VCL: variants seen among roughly 807,000 people sequenced by gnomAD.
The protein encoded by VCL is vinculin.
A neutral mutation model predicts 125.7 loss-of-function variants in VCL; 47 were observed. The ratio of observed to expected loss-of-function variants is 0.37; its 90% CI spans 0.30 to 0.48. The LOEUF (loss-of-function observed/expected upper bound fraction) is 0.48, where lower values mean the gene tolerates loss of function less well. VCL is among the 20% of genes least tolerant of loss of function. The pLI is 0.99. For missense variants in VCL, 1,069 were observed against 1,455.5 expected (o/e 0.73, Z 4.32); for synonymous variants, 458 against 514.6 (o/e 0.89, Z 1.49).
intron 2 of VCL, among the ~76,000 whole-genome samples, chr10:74,068,011 G>T (rs1841600684): frequency 6.6e-6 from 1 of 152,234 alleles, no homozygotes; most frequent in Non-Finnish European, 1.5e-5. Context: ...CAATTGAAAA[G>T]AAACTATGTT....
Position 74,070,855 on chromosome 10 carries a change from G to A in VCL, c.390+35G>A, listed in dbSNP as rs1470529119. ...CTGAGACAAAAAGCCTACTCTTGAA[G>A]ATAATAATGGAAGATTGATGATTGT... On this transcript the variant is annotated intron_variant, in intron 3 of 21. Coordinates refer to ENST00000211998, the MANE Select transcript of VCL (RefSeq NM_014000.3). The A allele has an allele frequency of 2.5e-6, 4 of 1,613,344 alleles. No homozygotes were observed. In the South Asian group the frequency reaches 4.4e-5, roughly 18 times the overall value.
chr10:74,112,280 T>C (rs905705832), intron 19 of VCL, among the ~76,000 whole-genome samples, 168 bp downstream of exon 19: 3 of 152,088 alleles, frequency 2.0e-5, no homozygotes, highest in Admixed American at 6.5e-5. Context: ...GTTTGATAGG[T>C]CTGCTAACGC....
chr10:74,068,276 A>G (rs1217355266), intron 2 of VCL, among the ~76,000 whole-genome samples: 1 of 152,214 alleles, frequency 6.6e-6, no homozygotes, highest in Non-Finnish European at 1.5e-5. Context: ...GTAGCTTTAT[A>G]AAAGTAGGAG....
intron 2 of VCL, among the ~76,000 whole-genome samples, chr10:74,060,409 T>C (rs928706678): frequency 3.3e-5 from 5 of 151,966 alleles, no homozygotes; most frequent in Admixed American, 1.3e-4. Context: ...TCCCAGCATT[T>C]TGGAAGACCG....
intron 1 of VCL, among the ~76,000 whole-genome samples, chr10:73,999,309 A>T (rs925976060): frequency 5.9e-5 from 9 of 152,162 alleles, no homozygotes; most frequent in Non-Finnish European, 1.2e-4. Context: ...CCCCATCCAC[A>T]ACTTTCCTGG....
chr10:74,039,526 T>G (rs907554995), intron 1 of VCL, among the ~76,000 whole-genome samples: 2 of 151,726 alleles, frequency 1.3e-5, no homozygotes, highest in Admixed American at 6.6e-5. Flanking sequence ...CTCATGACTG[T>G]AATCCCAGCA....
chr10:74,092,774 C>A (rs1207608346), intron 10 of VCL, among the ~76,000 whole-genome samples: 4 of 152,140 alleles, frequency 2.6e-5, no homozygotes, highest in Non-Finnish European at 4.4e-5. Flanking sequence ...GACCCCTTGA[C>A]CCCACCGCAG....
chr10:74,046,646 G>A (rs1841200998), intron 2 of VCL, among the ~76,000 whole-genome samples: 1 of 152,224 alleles, frequency 6.6e-6, no homozygotes, highest in South Asian at 2.1e-4. Context: ...GCTTGTAGCA[G>A]GTTGCCCCTC....
intron 1 of VCL, among the ~76,000 whole-genome samples, chr10:74,017,881 G>A (rs1355608525): frequency 1.3e-5 from 2 of 151,950 alleles, no homozygotes; most frequent in Non-Finnish European, 2.9e-5. Context: ...GGTGAAGGCT[G>A]GGTAAGGTGG....
intron 14 of VCL, among the ~76,000 whole-genome samples, chr10:74,102,168 A>G (rs1298078167): frequency 6.6e-6 from 1 of 151,782 alleles, no homozygotes; most frequent in Non-Finnish European, 1.5e-5. Flanking sequence ...GCCGGCTTGG[A>G]TAATCTTAAG....
At chr10:74,012,973 T>G (rs1470169374) in intron 1 of VCL, among the ~76,000 whole-genome samples, 1 of 152,164 alleles carries the variant, frequency 6.6e-6, no homozygotes, top group Admixed American at 6.6e-5. Flanking sequence ...CAATTGTAAT[T>G]AATTATTTGT....
chr10:74,023,981 T>G (rs1840722452), intron 1 of VCL, among the ~76,000 whole-genome samples: 1 of 152,040 alleles, frequency 6.6e-6, no homozygotes, highest in South Asian at 2.1e-4. Flanking sequence ...TTGCAGTAGT[T>G]GAAAAGGAAA....
Position 74,071,211 on chromosome 10 carries a change from C to G in VCL, c.499+128C>G. 1.2e-6 allele frequency: 1 copy of G among 813,214 alleles called. No individual in the cohort carries two copies. The highest frequency in any genetic ancestry group is 2.1e-6 in the Non-Finnish European group (1 of 475,364). The allele number at this position is 813,214 out of a possible 1,614,324, so 50.4% of individuals were successfully genotyped here. On this transcript the variant is annotated intron_variant, in intron 4 of 21. Transcript: ENST00000211998. This position sits in a 1 kb window ranked among gnomAD's most constrained non-coding sequence, Gnocchi z 4.1. ...TGCATTGGGCTTTCAGGTGTCTGCT[C>G]TGTTGATGGAGATGATGCTGTGCTT...
chr10:74,018,825 C>T (rs1288340123), intron 1 of VCL, among the ~76,000 whole-genome samples: 4 of 152,122 alleles, frequency 2.6e-5, no homozygotes, highest in South Asian at 2.1e-4. Context: ...CATAGGAAAC[C>T]GATGCACTTA....
chr10:74,036,395 G>T (rs1366659811), intron 1 of VCL, among the ~76,000 whole-genome samples: 2 of 152,004 alleles, frequency 1.3e-5, no homozygotes, highest in Admixed American at 6.6e-5. Flanking sequence ...TAGAGACAGG[G>T]TTTCACCATG....
chr10:74,062,610 G>A (rs1469254252), intron 2 of VCL, among the ~76,000 whole-genome samples: 1 of 151,932 alleles, frequency 6.6e-6, no homozygotes, highest in East Asian at 1.9e-4. Flanking sequence ...TTTGAAATAG[G>A]GTCTTATTCT....
At chr10:74,021,994 T>C (rs1840677350) in intron 1 of VCL, among the ~76,000 whole-genome samples, 2 of 152,140 alleles carry the variant, frequency 1.3e-5, no homozygotes, top group Non-Finnish European at 2.9e-5. Flanking sequence ...ATAGCTCTGA[T>C]CTCAAAAGGT....
chr10:74,067,296 T>C (rs1841585251), intron 2 of VCL, among the ~76,000 whole-genome samples: 1 of 152,118 alleles, frequency 6.6e-6, no homozygotes, highest in African/African-American at 2.4e-5. Context: ...TGAAAAGATG[T>C]TCACCATCAT....
intron 2 of VCL, among the ~76,000 whole-genome samples, chr10:74,048,826 AAATT>A (rs1318171338): frequency 1.3e-5 from 2 of 152,190 alleles, no homozygotes; most frequent in African/African-American, 4.8e-5. Flanking sequence ...TTAAAAGAAA[AAATT>A]AATTGAGAGG....
Sources: allele counts gnomAD v4.1 joint callset (sites outside exome capture counted in the v4.1 genomes callset), GRCh38; gene constraint gnomAD v4.1.1; non-coding constraint Gnocchi (gnomAD v3.1); transcripts MANE v1.5; gene names NCBI Gene and HGNC (gene_info 2026-07-23, HGNC 2026-07-21).